SERGEF: variants seen among roughly 807,000 people sequenced by gnomAD.
SERGEF encodes secretion-regulating guanine nucleotide exchange factor.
A neutral mutation model predicts 50.0 loss-of-function variants in SERGEF; 51 were observed. The ratio of observed to expected loss-of-function variants is 1.02; its 90% CI spans 0.81 to 1.29. The LOEUF is 1.29. SERGEF is among the 50% of genes most tolerant of loss of function. The probability of loss-of-function intolerance (pLI) is 0.00; values close to 1 mark genes in which losing one functional copy is unlikely to be tolerated. For missense variants in SERGEF, 521 were observed against 557.0 expected, an observed-to-expected ratio of 0.94 and a Z score of 0.65; for synonymous variants, 205 against 212.4, an observed-to-expected ratio of 0.97 and a Z score of 0.30.
At chr11:17,824,648 GTC>G (rs1241557145) in intron 10 of SERGEF, among the ~76,000 whole-genome samples, 1 of 152,170 alleles carries the variant, frequency 6.6e-6, no homozygotes, top group Non-Finnish European at 1.5e-5. Flanking sequence ...TTTCTAGCAA[GTC>G]TCTCCCTGGC....
chr11:17,878,348 AT>A (rs1851277471), intron 9 of SERGEF, 104 bp from the exon 10 acceptor site: 10 of 801,440 alleles, frequency 1.2e-5, no homozygotes, highest in Non-Finnish European at 1.8e-5. Flanking sequence ...TTTTGGCAAA[AT>A]TTAGGAAGGA....
chr11:17,833,290 G>C (rs1026335758), intron 10 of SERGEF, among the ~76,000 whole-genome samples: 1 of 152,234 alleles, frequency 6.6e-6, no homozygotes, highest in Non-Finnish European at 1.5e-5. Context: ...AACCTTGGCA[G>C]CTTCCACATG....
intron 9 of SERGEF, among the ~76,000 whole-genome samples, chr11:17,928,000 G>A (rs1852282199): frequency 6.6e-6 from 1 of 152,242 alleles, no homozygotes; most frequent in African/African-American, 2.4e-5. Context: ...TTTAAACTCA[G>A]CTGCAATCCA....
intron 4 of SERGEF, among the ~76,000 whole-genome samples, chr11:18,003,070 G>A (rs538900521): frequency 1.3e-5 from 2 of 152,262 alleles, no homozygotes; most frequent in East Asian, 1.9e-4. Flanking sequence ...ACAGAGCCTA[G>A]ACTTTGTGCA....
At chr11:17,811,833 G>A (rs1849879261) in intron 10 of SERGEF, among the ~76,000 whole-genome samples, 1 of 152,236 alleles carries the variant, frequency 6.6e-6, no homozygotes, top group Admixed American at 6.5e-5. Context: ...AGACAGGGAT[G>A]TTGTAACAGA....
chr11:17,836,673 C>A (rs1234341325), intron 10 of SERGEF, among the ~76,000 whole-genome samples: 1 of 152,210 alleles, frequency 6.6e-6, no homozygotes, highest in Non-Finnish European at 1.5e-5. Flanking sequence ...ATACTCCTTT[C>A]CTTAAGGATT....
chr11:17,860,642 T>G lies in SERGEF; in HGVS notation c.1048+17566A>C, dbSNP rs137915359. Reference sequence around the variant, plus strand: ...TTTAAACTATGTACATACACTATTTTGTAATAAACAAAAGGTAATCTAATT... The same window carrying G: ...TTTAAACTATGTACATACACTATTTGGTAATAAACAAAAGGTAATCTAATT... On this transcript the variant is annotated intron_variant, in intron 10 of 10. Coordinates refer to ENST00000265965, the MANE Select transcript of SERGEF (RefSeq NM_012139.4). Among the ~76,000 whole-genome samples, 852 of 152,326 alleles carry G rather than the reference T, an allele frequency of 5.6e-3. 9 individuals carry two copies. The highest frequency in any genetic ancestry group is 0.019 in the African/African-American group (810 of 41,562).
chr11:17,990,490 A>T (rs1207429981), intron 7 of SERGEF, among the ~76,000 whole-genome samples: 1 of 152,246 alleles, frequency 6.6e-6, no homozygotes, highest in Non-Finnish European at 1.5e-5. Context: ...GCAAAGTATC[A>T]ATCCATTAAG....
At chr11:17,842,869 C>G (rs1850529751) in intron 10 of SERGEF, among the ~76,000 whole-genome samples, 2 of 152,174 alleles carry the variant, frequency 1.3e-5, no homozygotes, top group South Asian at 4.1e-4. Flanking sequence ...TGAAAAGCAG[C>G]ATGCTGTGGC....
At chr11:17,947,792 G>A (rs1038032840) in intron 9 of SERGEF, among the ~76,000 whole-genome samples, 3 of 152,088 alleles carry the variant, frequency 2.0e-5, no homozygotes, top group African/African-American at 7.2e-5. Flanking sequence ...TACAAAATAA[G>A]GATAAATTAT....
rs1590250759 is a variant in SERGEF, at chr11:18,007,983, T to C, written c.154A>G (p.Arg52Gly). Residue 52 changes from arginine (R) to glycine (G), a missense_variant, in exon 2 of 11, where the codon AGG (arginine) becomes GGG (glycine). By Grantham distance (125) the Arg-to-Gly change is moderately radical. Coordinates refer to ENST00000265965, the MANE Select transcript of SERGEF (RefSeq NM_012139.4). ...TGGCCCCCTCCTCCTGTGATCCTCC[T>C]GACACTCCTGGGTTTACAGAAGTCA... ...LNDFCKPRSVRRITGGGGHSA... is the reference protein window; with the variant it reads ...LNDFCKPRSVGRITGGGGHSA... The C allele has an allele frequency of 3.1e-6, 5 of 1,613,924 alleles. No individual in the cohort carries two copies. In the African/African-American group the frequency reaches 5.3e-5, roughly 17 times the overall value.
intron 9 of SERGEF, among the ~76,000 whole-genome samples, chr11:17,928,708 C>T (rs1390001626): frequency 6.6e-6 from 1 of 152,072 alleles, no homozygotes; most frequent in Non-Finnish European, 1.5e-5. Flanking sequence ...CCTTCAAACT[C>T]GTGAACTAAG....
intron 10 of SERGEF, among the ~76,000 whole-genome samples, chr11:17,859,703 G>A (rs558725695): frequency 5.3e-5 from 8 of 152,118 alleles, no homozygotes; most frequent in South Asian, 2.1e-4. Context: ...AAATGGCAAC[G>A]TACAAAGAAA....
intron 9 of SERGEF, among the ~76,000 whole-genome samples, chr11:17,941,219 C>T (rs1173616419): frequency 6.6e-6 from 1 of 152,146 alleles, no homozygotes; most frequent in Non-Finnish European, 1.5e-5. Context: ...AAAATTGTGG[C>T]AAATATACAT....
intron 1 of SERGEF, chr11:18,012,479 C>A: frequency 3.7e-6 from 4 of 1,077,546 alleles, no homozygotes; most frequent in Non-Finnish European, 4.5e-6. Context: ...GCCTTGTGCG[C>A]GGCCAAACAC....
intron 10 of SERGEF, among the ~76,000 whole-genome samples, chr11:17,858,124 C>T (rs1018753123): frequency 3.3e-5 from 5 of 152,260 alleles, no homozygotes; most frequent in East Asian, 3.9e-4. Context: ...CTTTGAAAGT[C>T]GGGTAAGGAT....
intron 9 of SERGEF, among the ~76,000 whole-genome samples, chr11:17,928,451 G>C (rs1488259958): frequency 1.3e-5 from 2 of 152,144 alleles, no homozygotes; most frequent in Non-Finnish European, 2.9e-5. Flanking sequence ...TAGTGGTGAA[G>C]ACTCCCGCTT....
chr11:17,946,855 T>C (rs1852672204), intron 9 of SERGEF, among the ~76,000 whole-genome samples: 1 of 152,204 alleles, frequency 6.6e-6, no homozygotes, highest in Non-Finnish European at 1.5e-5. Context: ...ATTATAACTC[T>C]GTTAGCAACC....
At chr11:17,914,127 C>T (rs761085954) in intron 9 of SERGEF, among the ~76,000 whole-genome samples, 2 of 152,180 alleles carry the variant, frequency 1.3e-5, no homozygotes, top group Non-Finnish European at 2.9e-5. Context: ...CTTGCTGATC[C>T]CTGAACTCAG....
Sources: allele counts gnomAD v4.1 joint callset (sites outside exome capture counted in the v4.1 genomes callset), GRCh38; gene constraint gnomAD v4.1.1; transcripts MANE v1.5; gene names NCBI Gene and HGNC (gene_info 2026-07-23, HGNC 2026-07-21).